The following PTPRT variants were observed in gnomAD, a reference collection of about 807,000 sequenced individuals.
PTPRT encodes protein tyrosine phosphatase receptor type T.
In PTPRT, 56 loss-of-function variants were observed where a neutral mutation model predicts 176.8. That is an observed-to-expected ratio of 0.32 (90% CI 0.26 to 0.40). The LOEUF (loss-of-function observed/expected upper bound fraction) is 0.40, where lower values mean the gene tolerates loss of function less well. Ranked by LOEUF, PTPRT falls within the 10% of genes least tolerant of loss-of-function variation. PTPRT has a pLI of 1.00. For synonymous variants in PTPRT, 783 were observed against 739.0 expected, an observed-to-expected ratio of 1.06 and a Z score of -0.96; for missense variants, 1,540 against 1,908.2, an observed-to-expected ratio of 0.81 and a Z score of 3.60.
chr20:42,256,497 A>G (rs1034298487), intron 13 of PTPRT, among the ~76,000 whole-genome samples: 1 of 130,572 alleles, frequency 7.7e-6, no homozygotes, highest in Admixed American at 8.0e-5. Context: ...GACTTTTTTT[A>G]AAAATGAAAA....
chr20:43,161,188 T>C (rs1264595436), intron 1 of PTPRT, among the ~76,000 whole-genome samples: 2 of 152,264 alleles, frequency 1.3e-5, no homozygotes, highest in Non-Finnish European at 2.9e-5. Context: ...GTATTGCCTG[T>C]GATTAATAAT....
At chr20:43,040,061 G>A (rs1378264297) in intron 1 of PTPRT, among the ~76,000 whole-genome samples, 1 of 151,652 alleles carries the variant, frequency 6.6e-6, no homozygotes, top group South Asian at 2.1e-4. Context: ...GAATAAAGAA[G>A]AAGAAAGAAG....
chr20:42,695,811 G>A (rs1181460630), intron 6 of PTPRT, among the ~76,000 whole-genome samples: 2 of 152,200 alleles, frequency 1.3e-5, no homozygotes, highest in African/African-American at 2.4e-5. Context: ...AATCTTCAAA[G>A]GGCTAAAACT....
chr20:42,777,934 C>G (rs982767104), intron 4 of PTPRT, among the ~76,000 whole-genome samples: 1 of 152,280 alleles, frequency 6.6e-6, no homozygotes, highest in South Asian at 2.1e-4. Context: ...TATGCTTAAG[C>G]TGCCTCAACA....
At chr20:42,601,072 C>G (rs757625880) in intron 7 of PTPRT, among the ~76,000 whole-genome samples, 1 of 152,162 alleles carries the variant, frequency 6.6e-6, no homozygotes, top group Non-Finnish European at 1.5e-5. Context: ...TGTGCCTTGT[C>G]TCAGTACCAT....
At chr20:42,085,637 C>A in intron 28 of PTPRT, 91 bp downstream of exon 28, 1 of 1,548,712 alleles carries the variant, frequency 6.5e-7, no homozygotes. Context: ...ACAACACAGA[C>A]TCTTGGCTGG....
At chr20:42,291,643 C>A (rs1322428815) in intron 12 of PTPRT, among the ~76,000 whole-genome samples, 6 of 152,012 alleles carry the variant, frequency 3.9e-5, no homozygotes, top group African/African-American at 1.4e-4. Context: ...AAGTTAGACA[C>A]AGGAAGCATC....
intron 4 of PTPRT, among the ~76,000 whole-genome samples, chr20:42,774,710 G>A (rs1600723356): frequency 1.3e-5 from 2 of 152,308 alleles, no homozygotes; most frequent in South Asian, 2.1e-4. Flanking sequence ...CATGCGGTAC[G>A]CGGTGGGCAT....
intron 9 of PTPRT, among the ~76,000 whole-genome samples, chr20:42,390,489 T>C (rs980573908): frequency 2.0e-5 from 3 of 152,174 alleles, no homozygotes; most frequent in African/African-American, 7.2e-5. Flanking sequence ...TCCCCAACCA[T>C]CCCTACCTCC....
intron 14 of PTPRT, among the ~76,000 whole-genome samples, chr20:42,246,367 CT>C: frequency 6.6e-6 from 1 of 152,086 alleles, no homozygotes; most frequent in Middle Eastern, 3.2e-3. Context: ...AACAAAATGT[CT>C]TATTTTCTTC....
chr20:42,851,832 C>T (rs1030607520), intron 2 of PTPRT, among the ~76,000 whole-genome samples: 2 of 152,158 alleles, frequency 1.3e-5, no homozygotes, highest in Non-Finnish European at 2.9e-5. Flanking sequence ...GGCCTGTACA[C>T]CATAGTTTGC....
intron 1 of PTPRT, among the ~76,000 whole-genome samples, chr20:42,957,955 G>C (rs1348342362): frequency 1.3e-5 from 2 of 151,458 alleles, no homozygotes; most frequent in Non-Finnish European, 2.9e-5. Context: ...TGGGTACTTT[G>C]GGCCCAATAC....
At position 42,128,784 on chromosome 20, in the gene PTPRT, G is replaced by A. The variant is rs1172883836; in HGVS notation, c.2817C>T (p.His939=). 6.2e-7 allele frequency: 1 copy of A among 1,607,184 alleles called. No homozygotes were observed. The highest frequency in any genetic ancestry group is 1.1e-5 in the South Asian group (1 of 89,988). ...TGTAGTTGGCATTGATGTAGTCAGA[G>A]TGCGGGTCTCCATCCAGCACCAGCA... ...VRLLVLDGDP[H]SDYINANYID... is the part of the protein sequence containing the mutation. The change falls in exon 19 of 31, where the codon CAC becomes CAT. Residue 939 remains histidine (H), a synonymous_variant. Coordinates refer to ENST00000373187, the MANE Select transcript of PTPRT (RefSeq NM_007050.6).
In PTPRT at chr20:42,663,112, G is replaced by A. The variant is rs370060590; in HGVS notation, c.1153+14754C>T. Among the ~76,000 whole-genome samples, 7 of 152,124 alleles carry A rather than the reference G, an allele frequency of 4.6e-5. No homozygotes were observed. The South Asian group carries it at 1.5e-3, about 32-fold the overall frequency. ...GGTTAAAATACATATTTTAAGAAGG[G>A]TTGTTTCCATTCAAAGAAACACTTT... On this transcript the variant is annotated intron_variant, in intron 7 of 30. Transcript: ENST00000373187.
intron 1 of PTPRT, among the ~76,000 whole-genome samples, chr20:42,915,833 A>C (rs1282762394): frequency 6.6e-6 from 1 of 151,734 alleles, no homozygotes; most frequent in Admixed American, 6.6e-5. Flanking sequence ...TCCTGGGCTC[A>C]AGCGATCCTC....
intron 1 of PTPRT, among the ~76,000 whole-genome samples, chr20:43,171,144 ATTCT>A (rs1479789444): frequency 1.3e-5 from 2 of 152,228 alleles, no homozygotes; most frequent in African/African-American, 2.4e-5. Context: ...TACTTTAAGT[ATTCT>A]TTCTTTAATT....
intron 1 of PTPRT, among the ~76,000 whole-genome samples, chr20:42,930,768 C>A (rs1047077218): frequency 1.3e-5 from 2 of 152,120 alleles, no homozygotes; most frequent in African/African-American, 4.8e-5. Flanking sequence ...GCATGAGTCA[C>A]CATGCCCAGA....
downstream of PTPRT, among the ~76,000 whole-genome samples, chr20:42,070,528 CA>C: frequency 6.6e-6 from 1 of 151,870 alleles, no homozygotes; most frequent in South Asian, 2.1e-4. Context: ...TTGAAGCACC[CA>C]AAATAGCTTA....
intron 27 of PTPRT, among the ~76,000 whole-genome samples, chr20:42,088,143 C>T (rs574470681): frequency 3.7e-4 from 56 of 152,172 alleles, no homozygotes; most frequent in African/African-American, 1.2e-3. Flanking sequence ...TCGCTGGGGA[C>T]CACCCCAACA....
Sources: allele counts gnomAD v4.1 joint callset (sites outside exome capture counted in the v4.1 genomes callset), GRCh38; gene constraint gnomAD v4.1.1; transcripts MANE v1.5; gene names NCBI Gene and HGNC (gene_info 2026-07-23, HGNC 2026-07-21).